Variants in WWOX observed in about 807,000 individuals in gnomAD.
WWOX encodes WW domain containing oxidoreductase, also known as WW domain-containing oxidoreductase.
WWOX carries 69 observed loss-of-function variants against 46.2 expected under a neutral mutation model. That is an observed-to-expected ratio of 1.49 (90% CI 1.23 to 1.82). The LOEUF is 1.82. WWOX is among the 40% of genes most tolerant of loss of function. The pLI, the probability that WWOX is intolerant of heterozygous loss-of-function variation, is 0.00. For synonymous variants in WWOX, 359 were observed against 202.6 expected (o/e 1.77, Z -6.56); for missense variants, 919 against 542.6 (o/e 1.69, Z -6.89).
At chr16:78,777,575 A>G (rs1421442636) in intron 8 of WWOX, among the ~76,000 whole-genome samples, 1 of 152,194 alleles carries the variant, frequency 6.6e-6, no homozygotes, top group Non-Finnish European at 1.5e-5. Context: ...CCAGCGTGGT[A>G]TAATAAGCAT....
intron 8 of WWOX, among the ~76,000 whole-genome samples, chr16:79,118,148 C>G (rs1029390348): frequency 4.6e-5 from 7 of 152,198 alleles, no homozygotes; most frequent in African/African-American, 1.7e-4. Flanking sequence ...GAGAGACATG[C>G]AACTCTGACT....
At chr16:78,333,461 G>T (rs1351914086) in intron 5 of WWOX, among the ~76,000 whole-genome samples, 4 of 152,054 alleles carry the variant, frequency 2.6e-5, no homozygotes, top group Non-Finnish European at 5.9e-5. Flanking sequence ...AATCTGTTCT[G>T]ATGTAATACT....
intron 5 of WWOX, among the ~76,000 whole-genome samples, chr16:78,352,087 G>A (rs2081197255): frequency 1.3e-5 from 2 of 152,182 alleles, no homozygotes; most frequent in African/African-American, 4.8e-5. Flanking sequence ...GCACAAGAGG[G>A]TCAGTGCCCC....
intron 8 of WWOX, among the ~76,000 whole-genome samples, chr16:78,492,585 G>C (rs1198480790): frequency 6.6e-6 from 1 of 152,198 alleles, no homozygotes; most frequent in Non-Finnish European, 1.5e-5. Context: ...GCCACTAGGA[G>C]ATATTCATGG....
chr16:79,114,497 C>T (rs547635765), intron 8 of WWOX, among the ~76,000 whole-genome samples: 22 of 151,700 alleles, frequency 1.5e-4, no homozygotes, highest in African/African-American at 4.3e-4. Context: ...GATACTGGAG[C>T]GATGCTGCCA....
intron 5 of WWOX, among the ~76,000 whole-genome samples, chr16:78,366,268 T>A (rs143071610): frequency 0.01 from 1,587 of 152,336 alleles, 32 homozygotes; most frequent in African/African-American, 0.037. Flanking sequence ...ACTGTTAAAC[T>A]TTTAGATTAT....
intron 8 of WWOX, among the ~76,000 whole-genome samples, chr16:79,039,552 A>G (rs922816794): frequency 1.3e-5 from 2 of 152,178 alleles, no homozygotes; most frequent in African/African-American, 2.4e-5. Context: ...GACTGTGTCC[A>G]TGGTCGAGGT....
At chr16:78,428,717 G>T (rs571660929) in intron 7 of WWOX, among the ~76,000 whole-genome samples, 1 of 152,198 alleles carries the variant, frequency 6.6e-6, no homozygotes, top group African/African-American at 2.4e-5. Context: ...CTTAACAGTA[G>T]AAAATCACTG....
At chr16:78,397,060 A>G (rs1438536501) in intron 6 of WWOX, among the ~76,000 whole-genome samples, 4 of 152,194 alleles carry the variant, frequency 2.6e-5, no homozygotes, top group Non-Finnish European at 5.9e-5. Flanking sequence ...GTCAAGGTAA[A>G]TAAGTGTTGA....
At chr16:78,745,262 C>G (rs2049321667) in intron 8 of WWOX, among the ~76,000 whole-genome samples, 1 of 152,204 alleles carries the variant, frequency 6.6e-6, no homozygotes, top group Admixed American at 6.5e-5. Context: ...ACATTTGAAT[C>G]TTTCAGCAAG....
intron 5 of WWOX, among the ~76,000 whole-genome samples, chr16:78,249,436 G>C (rs1304882451): frequency 6.6e-6 from 1 of 152,226 alleles, no homozygotes; most frequent in Non-Finnish European, 1.5e-5. Flanking sequence ...CGCCGCATTA[G>C]CCTCTCCAAT....
At chr16:78,147,540 T>C (rs773091421) in intron 4 of WWOX, among the ~76,000 whole-genome samples, 7 of 152,208 alleles carry the variant, frequency 4.6e-5, no homozygotes, top group Admixed American at 2.0e-4. Flanking sequence ...TTCCCAACAT[T>C]GTGTTTTGAG....
At chr16:78,370,629 A>G (rs866463169) in intron 5 of WWOX, among the ~76,000 whole-genome samples, 10 of 151,814 alleles carry the variant, frequency 6.6e-5, no homozygotes, top group Admixed American at 6.6e-5. Flanking sequence ...TATTGTGTCT[A>G]TCTTTTGTCT....
chr16:78,565,677 C>T (rs147716491), intron 8 of WWOX, among the ~76,000 whole-genome samples: 1 of 152,262 alleles, frequency 6.6e-6, no homozygotes, highest in East Asian at 1.9e-4. Context: ...GTAGACTTCT[C>T]TTGTAGGGAG....
intron 5 of WWOX, among the ~76,000 whole-genome samples, chr16:78,196,958 A>G (rs1037194301): frequency 3.9e-5 from 6 of 152,192 alleles, no homozygotes; most frequent in African/African-American, 9.7e-5. Flanking sequence ...TTTCCTGGTG[A>G]ATTCCTTCCC....
chr16:78,850,377 A>C (rs1417855654), intron 8 of WWOX, among the ~76,000 whole-genome samples: 1 of 152,270 alleles, frequency 6.6e-6, no homozygotes, highest in East Asian at 1.9e-4. Flanking sequence ...ATTATAGCAC[A>C]AGTGTCTTCC....
intron 8 of WWOX, among the ~76,000 whole-genome samples, chr16:79,053,363 C>G (rs1024433279): frequency 9.9e-5 from 15 of 152,150 alleles, no homozygotes; most frequent in Non-Finnish European, 1.0e-4. Context: ...GGCCCTGCTT[C>G]TTAGTGCGCA....
chr16:78,499,316 A>T (rs1357935352), intron 8 of WWOX, among the ~76,000 whole-genome samples: 1 of 152,144 alleles, frequency 6.6e-6, no homozygotes, highest in Non-Finnish European at 1.5e-5. Flanking sequence ...GGGGTGGCAC[A>T]CATGCTCTGT....
At position 78,787,375 on chromosome 16, in the gene WWOX, T is replaced by C. The variant is rs78020204; in HGVS notation, c.1056+354623T>C. 9.5e-3 allele frequency among the ~76,000 whole-genome samples: 1,454 copies of C among 152,284 alleles called. 29 individuals carry two copies. The highest frequency in any genetic ancestry group is 0.033 in the African/African-American group (1,369 of 41,560). On this transcript the variant is annotated intron_variant, in intron 8 of 8. Transcript: ENST00000566780. ...TAACCACATCTACTTTGTGTCTCTA[T>C]AGATTTGACTATTCTGGATATCTCA...
Sources: allele counts gnomAD v4.1 joint callset (sites outside exome capture counted in the v4.1 genomes callset), GRCh38; gene constraint gnomAD v4.1.1; transcripts MANE v1.5; gene names NCBI Gene and HGNC (gene_info 2026-07-23, HGNC 2026-07-21).